LMO4: variants seen among roughly 807,000 people sequenced by gnomAD.
The protein encoded by LMO4 is LIM domain transcription factor LMO4.
A neutral mutation model predicts 18.5 loss-of-function variants in LMO4; 3 were observed. The ratio of observed to expected loss-of-function variants is 0.16; its 90% CI spans 0.07 to 0.42. The LOEUF (loss-of-function observed/expected upper bound fraction) is 0.42, where lower values mean the gene tolerates loss of function less well. Ranked by LOEUF, LMO4 falls within the 10% of genes least tolerant of loss-of-function variation. LMO4 has a pLI of 0.99. For missense variants in LMO4, 121 were observed against 219.9 expected, an observed-to-expected ratio of 0.55 and a Z score of 2.84; for synonymous variants, 100 against 88.1, an observed-to-expected ratio of 1.14 and a Z score of -0.76.
intron 4 of LMO4, among the ~76,000 whole-genome samples, chr1:87,343,346 A>G (rs899855865): frequency 6.6e-6 from 1 of 152,210 alleles, no homozygotes; most frequent in Admixed American, 6.5e-5. Context: ...ACTAGTGTTC[A>G]AGGATCTACA....
At chr1:87,333,568 T>C (rs1023934404) in intron 2 of LMO4, among the ~76,000 whole-genome samples, 37 of 152,226 alleles carry the variant, frequency 2.4e-4, no homozygotes, top group African/African-American at 8.4e-4. Context: ...CCCAGTGATA[T>C]CATTAGTGTA....
At chr1:87,343,450 A>AT (rs1650549462) in intron 4 of LMO4, among the ~76,000 whole-genome samples, 1 of 152,014 alleles carries the variant, frequency 6.6e-6, no homozygotes, top group African/African-American at 2.4e-5. Context: ...ATTGTGGCTA[A>AT]TTTTTTCTTT....
chr1:87,340,074 C>T lies in LMO4; in HGVS notation c.361C>T (p.Arg121Cys), dbSNP rs1051878468. The stretch of plus-strand genomic sequence containing the variant: ...TTTTACATGCTCTACCTGCCGGAAT[C>T]GCCTGGTCCCGGGAGATCGGTTTCA... ...KCFTCSTCRNRLVPGDRFHYI... is the reference protein window; with the variant it reads ...KCFTCSTCRNCLVPGDRFHYI... The change falls in exon 4 of 5, where the codon CGC (arginine) becomes TGC (cysteine). Residue 121 changes from arginine (R) to cysteine (C), a missense_variant. By Grantham distance (180) the Arg-to-Cys change is radical (BLOSUM62 -3). Transcript: ENST00000370544. 1.2e-6 allele frequency: 2 copies of T among 1,613,982 alleles called. No individual in the cohort carries two copies. The highest frequency in any genetic ancestry group is 1.7e-6 in the Non-Finnish European group (2 of 1,179,956).
chr1:87,342,813 T>C (rs918844465), intron 4 of LMO4, among the ~76,000 whole-genome samples: 9 of 152,160 alleles, frequency 5.9e-5, no homozygotes, highest in African/African-American at 2.2e-4. Flanking sequence ...GAAGAGTTAA[T>C]GAAAACATAC....
intron 1 of LMO4, among the ~76,000 whole-genome samples, chr1:87,329,613 G>T (rs1246891835): frequency 2.1e-5 from 3 of 145,020 alleles, no homozygotes; most frequent in African/African-American, 7.5e-5. Flanking sequence ...TGGGGGTGGG[G>T]ATAGTCACGA....
At chr1:87,334,733 G>C (rs1464679823) in intron 2 of LMO4, among the ~76,000 whole-genome samples, 1 of 152,048 alleles carries the variant, frequency 6.6e-6, no homozygotes. Flanking sequence ...GCAAGATGAG[G>C]GGGCGCTTTC....
chr1:87,328,991 A>T lies in LMO4; in HGVS notation c.-257A>T, dbSNP rs1650049417. On this transcript the variant is annotated 5_prime_UTR_variant, in exon 1 of 5. Coordinates refer to ENST00000370544, the MANE Select transcript of LMO4 (RefSeq NM_006769.4). ...CAGTCGGAGGCGGAGAAGGACGAAG[A>T]CTGAGACTGACACTTCTGCTCCCGG... 1 of 150,254 alleles carries T rather than the reference A, an allele frequency of 6.7e-6. No homozygotes were observed. Among genetic ancestry groups the T allele is most frequent in the Non-Finnish European group, 1.5e-5 (1 of 67,552 alleles). 9.3% of individuals were successfully genotyped at this position (150,254 alleles called of 1,614,324 possible). A position where few individuals can be genotyped will look rare whatever the true frequency, so the allele number is the denominator to read the frequency against.
chr1:87,334,540 A>C (rs1374517571), intron 2 of LMO4, among the ~76,000 whole-genome samples: 1 of 152,222 alleles, frequency 6.6e-6, no homozygotes, highest in East Asian at 1.9e-4. Flanking sequence ...AGAGTGGAGT[A>C]ATCTGCTCGC....
intron 4 of LMO4, among the ~76,000 whole-genome samples, chr1:87,342,553 A>C (rs966831652): frequency 6.6e-5 from 10 of 152,142 alleles, no homozygotes; most frequent in African/African-American, 2.4e-4. Context: ...GGCCTTCAAA[A>C]ATTAATAGCT....
intron 2 of LMO4, among the ~76,000 whole-genome samples, chr1:87,333,550 A>G (rs1650211555): frequency 6.6e-6 from 1 of 152,216 alleles, no homozygotes; most frequent in African/African-American, 2.4e-5. Context: ...GAGTGTGGAT[A>G]TGTTTACCCC....
At chr1:87,342,135 C>CA (rs1406694397) in intron 4 of LMO4, among the ~76,000 whole-genome samples, 1 of 151,998 alleles carries the variant, frequency 6.6e-6, no homozygotes, top group South Asian at 2.1e-4. Context: ...AAGTACTATA[C>CA]AAAAAAATGA....
chr1:87,341,951 A>C (rs995484899), intron 4 of LMO4, among the ~76,000 whole-genome samples: 1 of 152,254 alleles, frequency 6.6e-6, no homozygotes, highest in African/African-American at 2.4e-5. Context: ...ATACCTATTC[A>C]GAATAGAGGT....
chr1:87,345,387 GAAAAAA>G lies in LMO4; in HGVS notation c.*596_*601del, dbSNP rs72070910. 1 of 116,284 alleles carries G rather than the reference GAAAAAA, an allele frequency of 8.6e-6. No individual in the cohort carries two copies. The allele number at this position is 116,284 out of a possible 1,614,324, so 7.2% of individuals were successfully genotyped here. On this transcript the variant is annotated 3_prime_UTR_variant, in exon 5 of 5. Coordinates refer to ENST00000370544, the MANE Select transcript of LMO4 (RefSeq NM_006769.4). ...CTAATGTTGCTACTCCCATGGCAAA[GAAAAAA>G]AAAAGAATGAAAAAAAGAAAAAAAT...
chr1:87,338,418 C>T (rs1321013712), intron 2 of LMO4, among the ~76,000 whole-genome samples: 1 of 152,178 alleles, frequency 6.6e-6, no homozygotes, highest in Non-Finnish European at 1.5e-5. Flanking sequence ...AAAACTACCT[C>T]TCTGATTCTG....
intron 2 of LMO4, among the ~76,000 whole-genome samples, chr1:87,333,478 C>G (rs1222810647): frequency 6.6e-6 from 1 of 152,150 alleles, no homozygotes; most frequent in Non-Finnish European, 1.5e-5. Flanking sequence ...AAGTTTAGCT[C>G]CATTGTGATT....
At position 87,328,969 on chromosome 1, in the gene LMO4, T is replaced by C. The variant is rs1032284639; in HGVS notation, c.-279T>C. 1 of 150,750 alleles carries C rather than the reference T, an allele frequency of 6.6e-6. No individual in the cohort carries two copies. The highest frequency in any genetic ancestry group is 1.5e-5 in the Non-Finnish European group (1 of 67,716). The allele number at this position is 150,750 out of a possible 1,614,324, so 9.3% of individuals were successfully genotyped here. ...GGCTCCTGCAGCTGCTCGCGCGCAG[T>C]CGGAGGCGGAGAAGGACGAAGACTG... On this transcript the variant is annotated 5_prime_UTR_variant, in exon 1 of 5. Transcript: ENST00000370544.
rs1377195996 is a variant in LMO4 at position 87,345,315 on chromosome 1, G to A, written c.*519G>A. 6.6e-6 allele frequency: 1 copy of A among 151,746 alleles called. No homozygotes were observed. 9.4% of individuals were successfully genotyped at this position (151,746 alleles called of 1,614,324 possible). ...TGATATTCTATCACAAACACTTATTGTATCTCTGTAAAATACAATGTATGT... is the reference window on the plus strand; with the variant it reads ...TGATATTCTATCACAAACACTTATTATATCTCTGTAAAATACAATGTATGT... On this transcript the variant is annotated 3_prime_UTR_variant, in exon 5 of 5. Coordinates refer to ENST00000370544, the MANE Select transcript of LMO4 (RefSeq NM_006769.4).
intron 1 of LMO4, chr1:87,331,328 A>C (rs1650138327): frequency 1.3e-5 from 2 of 152,028 alleles, no homozygotes; most frequent in Non-Finnish European, 2.9e-5. Flanking sequence ...TAAAATACGA[A>C]AAACCAGTTT....
At chr1:87,334,773 G>C (rs1037676954) in intron 2 of LMO4, among the ~76,000 whole-genome samples, 2 of 152,204 alleles carry the variant, frequency 1.3e-5, no homozygotes, top group Non-Finnish European at 2.9e-5. Context: ...GCGGCCAAGT[G>C]TCGATGGGCA....
Sources: allele counts gnomAD v4.1 joint callset (sites outside exome capture counted in the v4.1 genomes callset), GRCh38; gene constraint gnomAD v4.1.1; transcripts MANE v1.5; gene names NCBI Gene and HGNC (gene_info 2026-07-23, HGNC 2026-07-21).